Variants in NOL4 observed in about 807,000 individuals in gnomAD.
The protein encoded by NOL4 is nucleolar protein 4.
NOL4 carries 17 observed loss-of-function variants against 75.9 expected under a neutral mutation model. That is an observed-to-expected ratio of 0.22 (90% CI 0.15 to 0.34). The LOEUF (loss-of-function observed/expected upper bound fraction) is 0.34. Among genes scored for constraint, NOL4 ranks in the 10% least tolerant of loss-of-function variants. NOL4 has a pLI of 1.00. For missense variants in NOL4, 614 were observed against 793.5 expected, an observed-to-expected ratio of 0.77 and a Z score of 2.72; for synonymous variants, 292 against 289.9, an observed-to-expected ratio of 1.01 and a Z score of -0.07.
At chr18:34,163,425 C>T (rs2031837978) in intron 1 of NOL4, among the ~76,000 whole-genome samples, 2 of 151,992 alleles carry the variant, frequency 1.3e-5, no homozygotes, top group South Asian at 2.1e-4. Context: ...ACAAAAATCA[C>T]AAGCATTCTT....
chr18:33,884,610 CT>C (rs879544887), intron 9 of NOL4, among the ~76,000 whole-genome samples: 4,314 of 143,306 alleles, frequency 0.03, 159 homozygotes, highest in African/African-American at 0.089. Context: ...CATTCTTCAT[CT>C]TTTTTTTTTT....
intron 5 of NOL4, among the ~76,000 whole-genome samples, chr18:34,037,085 A>G (rs8086329): frequency 0.84 from 127,456 of 152,166 alleles, 53,490 homozygotes; most frequent in East Asian, 0.97. Context: ...GAATTGCAGA[A>G]TACAAAATGA....
chr18:34,073,505 C>A (rs1009003993), intron 5 of NOL4, among the ~76,000 whole-genome samples: 2 of 151,908 alleles, frequency 1.3e-5, no homozygotes, highest in Admixed American at 6.6e-5. Context: ...TAATACAATG[C>A]AAATGCTTTG....
At chr18:33,915,333 T>A (rs958610556) in intron 9 of NOL4, among the ~76,000 whole-genome samples, 3 of 152,156 alleles carry the variant, frequency 2.0e-5, no homozygotes, top group Admixed American at 2.0e-4. Flanking sequence ...ACAACATTTT[T>A]AAGGACTACT....
chr18:34,170,989 G>A (rs1298029368), intron 1 of NOL4, among the ~76,000 whole-genome samples: 1 of 152,126 alleles, frequency 6.6e-6, no homozygotes, highest in African/African-American at 2.4e-5. Context: ...AGCTAACATT[G>A]ATCAGCATTT....
At chr18:34,059,153 A>G (rs1027899362) in intron 5 of NOL4, among the ~76,000 whole-genome samples, 1 of 139,276 alleles carries the variant, frequency 7.2e-6, no homozygotes, top group Non-Finnish European at 1.5e-5. Context: ...ATATATATAT[A>G]TATACACATG....
At chr18:33,863,149 T>C (rs1160825436) in intron 10 of NOL4, among the ~76,000 whole-genome samples, 6 of 152,154 alleles carry the variant, frequency 3.9e-5, no homozygotes, top group Non-Finnish European at 8.8e-5. Flanking sequence ...GAAATCATCA[T>C]TCTCAGTAAA....
At chr18:33,899,063 A>G (rs1287398309) in intron 9 of NOL4, among the ~76,000 whole-genome samples, 1 of 152,174 alleles carries the variant, frequency 6.6e-6, no homozygotes, top group Non-Finnish European at 1.5e-5. Context: ...GAAGAATTTC[A>G]TTTATTGTTT....
At chr18:33,995,016 C>T (rs2073172536) in intron 6 of NOL4, among the ~76,000 whole-genome samples, 1 of 151,334 alleles carries the variant, frequency 6.6e-6, no homozygotes, top group Non-Finnish European at 1.5e-5. Flanking sequence ...AAATTAGTAC[C>T]TTAGATGACA....
chr18:34,097,188 A>C (rs1450685134), intron 4 of NOL4, among the ~76,000 whole-genome samples: 1 of 152,184 alleles, frequency 6.6e-6, no homozygotes, highest in Non-Finnish European at 1.5e-5. Context: ...TGTTTATCAA[A>C]TAATGTGTAT....
At chr18:34,107,656 T>A (rs1211747920) in intron 2 of NOL4, among the ~76,000 whole-genome samples, 16 of 148,170 alleles carry the variant, frequency 1.1e-4, no homozygotes, top group African/African-American at 3.5e-4. Context: ...TGAAAAAAAA[T>A]ATTTCTCCTG....
intron 1 of NOL4, among the ~76,000 whole-genome samples, chr18:34,177,465 A>G (rs1299877831): frequency 2.0e-5 from 3 of 151,992 alleles, no homozygotes; most frequent in Non-Finnish European, 2.9e-5. Flanking sequence ...TTAAAACTTC[A>G]AATAATAAAC....
chr18:33,942,942 C>A (rs1339528418), intron 9 of NOL4, 123 bp downstream of exon 9: 1 of 636,340 alleles, frequency 1.6e-6, no homozygotes, highest in Non-Finnish European at 2.7e-6. Flanking sequence ...CATAAGGACA[C>A]AAAAACTATA....
intron 1 of NOL4, chr18:34,222,327 G>T: frequency 4.0e-6 from 5 of 1,262,370 alleles, no homozygotes; most frequent in Non-Finnish European, 1.0e-6. Flanking sequence ...GTGGAAGAGG[G>T]AAGTGAGGAA....
intron 6 of NOL4, among the ~76,000 whole-genome samples, chr18:33,975,199 A>G (rs1447497178): frequency 6.6e-6 from 1 of 152,192 alleles, no homozygotes; most frequent in Non-Finnish European, 1.5e-5. Context: ...TTTAATGGGT[A>G]TAGTGTTTCC....
intron 1 of NOL4, among the ~76,000 whole-genome samples, chr18:34,135,419 C>T (rs943049525): frequency 6.6e-6 from 1 of 151,940 alleles, no homozygotes; most frequent in Non-Finnish European, 1.5e-5. Context: ...CTATTCACAG[C>T]GGGGTGCGGT....
intron 5 of NOL4, among the ~76,000 whole-genome samples, chr18:34,074,911 A>G (rs996111242): frequency 5.3e-5 from 8 of 152,188 alleles, no homozygotes; most frequent in African/African-American, 1.9e-4. Context: ...TTAACAAAGT[A>G]TCTTTTGTCT....
At chr18:34,194,616 T>G (rs2035188765) in intron 1 of NOL4, among the ~76,000 whole-genome samples, 1 of 152,178 alleles carries the variant, frequency 6.6e-6, no homozygotes. Flanking sequence ...TTAAATATGT[T>G]TACACATTGT....
chr18:34,173,690 C>A (rs1201516434), intron 1 of NOL4, among the ~76,000 whole-genome samples: 1 of 152,110 alleles, frequency 6.6e-6, no homozygotes, highest in Non-Finnish European at 1.5e-5. Context: ...AAGTTACCAA[C>A]CTGCTGTGGG....
Sources: gnomAD v4.1 joint callset for allele counts (sites outside exome capture counted in the v4.1 genomes callset) on GRCh38, gnomAD v4.1.1 for gene constraint, MANE v1.5 for transcripts, NCBI Gene and HGNC (gene_info 2026-07-23, HGNC 2026-07-21) for gene names.